The following DHX37 variants were observed in gnomAD, a reference collection of about 807,000 sequenced individuals.
The protein encoded by DHX37 is DEAH-box helicase 37.
DHX37 carries 52 observed loss-of-function variants against 134.3 expected under a neutral mutation model. The ratio of observed to expected loss-of-function variants is 0.39; its 90% confidence interval spans 0.31 to 0.49. The LOEUF is 0.49. Ranked by LOEUF, DHX37 falls within the 20% of genes least tolerant of loss-of-function variation. The pLI is 0.93. For synonymous variants in DHX37, 634 were observed against 670.7 expected (o/e 0.95, Z 0.85); for missense variants, 1,344 against 1,580.8 (o/e 0.85, Z 2.54).
rs1352285299 is a variant in DHX37 at position 124,956,749 on chromosome 12, A to G, written c.2395T>C (p.Tyr799His). 2 of 1,607,802 alleles carry G rather than the reference A, an allele frequency of 1.2e-6. No homozygotes were observed. Among genetic ancestry groups the G allele is most frequent in the Non-Finnish European group, 1.7e-6 (2 of 1,175,474 alleles). ...ALSRQHGCLPYAITIVASMTV... is the reference protein window; with the variant it reads ...ALSRQHGCLPHAITIVASMTV... ...ATGCTGGCCACGATGGTGATGGCAT[A>G]GGGCAGGCAGCCGTGTTGTCGGCTC... Residue 799 changes from tyrosine (Y) to histidine (H), a missense_variant, in exon 18 of 27, where the codon TAT becomes CAT. Around this residue, in one of 7 missense-constraint regions of DHX37, gnomAD observed 558 missense variants for 650.0 expected, o/e 0.86. Transcript: ENST00000308736.
intron 1 of DHX37, among the ~76,000 whole-genome samples, chr12:124,988,614 G>A (rs1210583206): frequency 6.6e-6 from 1 of 152,094 alleles, no homozygotes; most frequent in Non-Finnish European, 1.5e-5. Context: ...GGGGTCGCTG[G>A]AGATTATAAA....
chr12:124,960,485 C>T, intron 15 of DHX37, 62 bp from the exon 16 acceptor site: 2 of 1,582,948 alleles, frequency 1.3e-6, no homozygotes, highest in Non-Finnish European at 1.7e-6. Context: ...CAGATGAATA[C>T]AGCCTGGGCA....
At chr12:124,975,171 TCGAGC>T (rs1954608436) in intron 6 of DHX37, among the ~76,000 whole-genome samples, 1 of 152,320 alleles carries the variant, frequency 6.6e-6, no homozygotes, top group Non-Finnish European at 1.5e-5. Flanking sequence ...TGCTCTGTTC[TCGAGC>T]CCCTGGATGG....
intron 3 of DHX37, among the ~76,000 whole-genome samples, chr12:124,981,077 C>T (rs1437316134): frequency 6.6e-6 from 1 of 152,192 alleles, no homozygotes; most frequent in Non-Finnish European, 1.5e-5. Context: ...CTCCACCTCG[C>T]TCTTCCCTGC....
intron 21 of DHX37, among the ~76,000 whole-genome samples, chr12:124,952,063 T>A (rs1953986806): frequency 6.6e-6 from 1 of 152,100 alleles, no homozygotes; most frequent in Admixed American, 6.5e-5. Flanking sequence ...GAGAAGGTTA[T>A]TTGTGCCTGG....
At chr12:124,964,821 G>A in intron 14 of DHX37, 109 bp downstream of exon 14, 1 of 1,438,184 alleles carries the variant, frequency 7.0e-7, no homozygotes. Flanking sequence ...CAAAACTCTG[G>A]GGATGCTGAT....
Position 124,988,972 on chromosome 12 carries a change from GC to G in DHX37, c.50del (p.Gly17AlafsTer24). On this transcript the variant is annotated frameshift_variant, in exon 1 of 27. Transcript: ENST00000308736. LOFTEE classifies it high-confidence loss of function. ...CGGGGGGGCCCTTCGAGGGTCCGGGGCCCGCCTGCTGGCGCCCCTTGATGTT... is the reference window on the plus strand; with the variant it reads ...CGGGGGGGCCCTTCGAGGGTCCGGGGCCGCCTGCTGGCGCCCCTTGATGTT... The part of the protein sequence containing the change: ...RYNIKGRQQA[G>X]PGPSKGPPEP... The G allele has an allele frequency of 7.4e-7, 1 of 1,355,492 alleles. No homozygotes were observed. Among genetic ancestry groups the G allele is most frequent in the Non-Finnish European group, 9.6e-7 (1 of 1,045,470 alleles). The allele number at this position is 1,355,492 out of a possible 1,614,324, so 84.0% of individuals were successfully genotyped here.
chr12:124,957,021 G>C lies in DHX37; in HGVS notation c.2264+8C>G. ...GCAGGAACTGGGCTCTGCATCTCTT[G>C]GCCTTACCTTTCTGCTTTCTGGGGC... On this transcript the variant is annotated splice_region_variant and intron_variant, in intron 17 of 26. Coordinates refer to ENST00000308736, the MANE Select transcript of DHX37 (RefSeq NM_032656.4). 6.6e-7 allele frequency: 1 copy of C among 1,518,840 alleles called. No individual in the cohort carries two copies. The highest frequency in any genetic ancestry group is 8.8e-7 in the Non-Finnish European group (1 of 1,136,558). The allele number at this position is 1,518,840 out of a possible 1,614,324, so 94.1% of individuals were successfully genotyped here.
intron 22 of DHX37, 26 bp downstream of exon 22, chr12:124,950,664 A>G: frequency 6.2e-7 from 1 of 1,609,972 alleles, no homozygotes; most frequent in Non-Finnish European, 8.5e-7. Context: ...ATCGGGGGAC[A>G]AGGGGCTGTC....
At chr12:124,953,847 C>G (rs201366221) in intron 20 of DHX37, 33 bp downstream of exon 20, 1 of 1,602,502 alleles carries the variant, frequency 6.2e-7, no homozygotes, top group Admixed American at 1.7e-5. Flanking sequence ...GGTTGCCCGC[C>G]GGGTGCAGCG....
rs35016004 is a variant in DHX37 at position 124,960,320 on chromosome 12, C to A, written c.2149G>T (p.Val717Phe). The A allele has an allele frequency of 6.2e-7, 1 of 1,613,028 alleles. No individual in the cohort carries two copies. The highest frequency in any genetic ancestry group is 1.7e-5 in the Admixed American group (1 of 59,972). ...TGGGGGCAGCAACTGACCTTTTCAA[C>A]GTTGAGCGCCTTCATTTGAAGGATT... The part of the protein sequence containing the change: ...DLILQMKALN[V>F]EKVINFPFPT... The change falls in exon 16 of 27, where the codon GTT becomes TTT. Residue 717 changes from valine to phenylalanine, a missense_variant. By Grantham distance (50) the Val-to-Phe change is conservative (BLOSUM62 -1). Around this residue, in one of 7 missense-constraint regions of DHX37, gnomAD observed 558 missense variants for 650.0 expected, o/e 0.86. Transcript: ENST00000308736.
chr12:124,974,802 G>A (rs1163380765), intron 6 of DHX37, among the ~76,000 whole-genome samples: 2 of 145,190 alleles, frequency 1.4e-5, no homozygotes, highest in Non-Finnish European at 3.0e-5. Flanking sequence ...TTGAGACAGA[G>A]TTTCACTCTT....
Position 124,971,418 on chromosome 12 carries a change from G to C in DHX37, c.1078-3C>G. ...TTGTACCGCAGCAGCAGGAAGTCCT[G>C]GGGGGAGGTCCGGGGTGAGGCCCAC... is the stretch of plus-strand genomic sequence containing the variant. On this transcript the variant is annotated splice_region_variant and splice_polypyrimidine_tract_variant and intron_variant, in intron 7 of 26. Transcript: ENST00000308736. 2 of 1,612,700 alleles carry C rather than the reference G, an allele frequency of 1.2e-6. No individual in the cohort carries two copies. Among genetic ancestry groups the C allele is most frequent in the Non-Finnish European group, 1.7e-6 (2 of 1,179,798 alleles).
intron 7 of DHX37, among the ~76,000 whole-genome samples, chr12:124,971,674 G>C (rs556077682): frequency 2.2e-4 from 33 of 152,314 alleles, no homozygotes; most frequent in African/African-American, 7.5e-4. Context: ...TGCATCCACT[G>C]CCACCCCCAG....
intron 6 of DHX37, among the ~76,000 whole-genome samples, chr12:124,973,245 C>G (rs948114976): frequency 7.9e-5 from 12 of 152,000 alleles, no homozygotes; most frequent in African/African-American, 2.7e-4. Flanking sequence ...TGGTGAAACC[C>G]CATCTCTACT....
chr12:124,987,821 A>G (rs1349481370), intron 1 of DHX37, among the ~76,000 whole-genome samples: 2 of 152,078 alleles, frequency 1.3e-5, no homozygotes, highest in Admixed American at 6.6e-5. Flanking sequence ...GAATGCTCCA[A>G]TGAGCATTTC....
At chr12:124,987,064 T>A (rs1287963649) in intron 1 of DHX37, among the ~76,000 whole-genome samples, 1 of 151,954 alleles carries the variant, frequency 6.6e-6, no homozygotes, top group Non-Finnish European at 1.5e-5. Flanking sequence ...CTCCTAAGAG[T>A]GTACGGTGGG....
rs1331181422 is a variant in DHX37 at position 124,956,753 on chromosome 12, C to T, written c.2391G>A (p.Leu797=). 2 of 1,609,050 alleles carry T rather than the reference C, an allele frequency of 1.2e-6. No homozygotes were observed. The highest frequency in any genetic ancestry group is 4.5e-5 in the East Asian group (2 of 44,652). ...MLALSRQHGC[L]PYAITIVASM... is the part of the protein sequence containing the mutation. Reference sequence around the variant, plus strand: ...TGGCCACGATGGTGATGGCATAGGGCAGGCAGCCGTGTTGTCGGCTCAGTG... The same window carrying T: ...TGGCCACGATGGTGATGGCATAGGGTAGGCAGCCGTGTTGTCGGCTCAGTG... Residue 797 remains leucine, a synonymous_variant, in exon 18 of 27, where the codon CTG becomes CTA. Coordinates refer to ENST00000308736, the MANE Select transcript of DHX37 (RefSeq NM_032656.4).
At chr12:124,958,456 C>G (rs995469760) in intron 16 of DHX37, among the ~76,000 whole-genome samples, 1 of 152,116 alleles carries the variant, frequency 6.6e-6, no homozygotes, top group African/African-American at 2.4e-5. Flanking sequence ...CCAGCCCAGC[C>G]CTGACACTTT....
Sources: gnomAD v4.1 joint callset for allele counts (sites outside exome capture counted in the v4.1 genomes callset) on GRCh38, gnomAD v4.1.1 for gene constraint, gnomAD v4.1.1 regional missense constraint, MANE v1.5 for transcripts, NCBI Gene and HGNC (gene_info 2026-07-23, HGNC 2026-07-21) for gene names.